The following AOPEP variants were observed in gnomAD, a reference collection of about 807,000 sequenced individuals.
The protein encoded by AOPEP is aminopeptidase O.
A neutral mutation model predicts 98.1 loss-of-function variants in AOPEP; 77 were observed. The observed-to-expected ratio is 0.78, with a 90% CI of 0.65 to 0.95. AOPEP has a LOEUF of 0.95. Among genes scored for constraint, AOPEP ranks in the 40% least tolerant of loss-of-function variants. AOPEP has a pLI of 0.00. For missense variants in AOPEP, 1,024 were observed against 1,024.7 expected, an observed-to-expected ratio of 1.00 and a Z score of 0.01; for synonymous variants, 346 against 365.3, an observed-to-expected ratio of 0.95 and a Z score of 0.60.
chr9:95,146,904 A>G, the AOPEP span, among the ~76,000 whole-genome samples: 1 of 152,096 alleles, frequency 6.6e-6, no homozygotes, highest in East Asian at 1.9e-4. Flanking sequence ...ACGTGGAAAC[A>G]TAAGAAGAAA....
At chr9:95,091,778 G>C (rs1587996817), downstream of AOPEP, among the ~76,000 whole-genome samples, 1 of 152,156 alleles carries the variant, frequency 6.6e-6, no homozygotes, top group African/African-American at 2.4e-5. Flanking sequence ...ACTAGACGGT[G>C]TGAGAAAGGC....
intron 3 of AOPEP, among the ~76,000 whole-genome samples, chr9:94,788,704 A>G (rs1370194826): frequency 1.3e-5 from 2 of 152,194 alleles, no homozygotes; most frequent in East Asian, 3.9e-4. Flanking sequence ...TCTCTTGCCT[A>G]GACAGTGAAA....
chr9:94,845,955 C>T (rs752500154), intron 5 of AOPEP, among the ~76,000 whole-genome samples: 14 of 152,088 alleles, frequency 9.2e-5, no homozygotes, highest in African/African-American at 2.4e-4. Flanking sequence ...ATTAGTCAGG[C>T]GTGGTGTCGG....
chr9:94,889,838 T>G (rs943403351), intron 5 of AOPEP, among the ~76,000 whole-genome samples: 1 of 152,220 alleles, frequency 6.6e-6, no homozygotes, highest in African/African-American at 2.4e-5. Flanking sequence ...GTCACCATCA[T>G]TTAGTGTTAC....
intron 3 of AOPEP, among the ~76,000 whole-genome samples, chr9:94,790,503 G>A (rs1376628095): frequency 2.0e-5 from 3 of 152,066 alleles, no homozygotes; most frequent in Non-Finnish European, 2.9e-5. Context: ...CTCAAGAGTG[G>A]CCCTTCTGGT....
chr9:94,845,825 G>A (rs1418547267), intron 5 of AOPEP, among the ~76,000 whole-genome samples: 2 of 152,170 alleles, frequency 1.3e-5, no homozygotes, highest in African/African-American at 4.8e-5. Flanking sequence ...GGGTGCAGTG[G>A]CTCACGCCTG....
chr9:95,123,780 G>C, the AOPEP span: 1 of 699,178 alleles, frequency 1.4e-6, no homozygotes, highest in African/African-American at 1.8e-5. Context: ...GTCAGGAATC[G>C]ATCTTGTGAA....
chr9:95,138,863 C>T, the AOPEP span, among the ~76,000 whole-genome samples: 6 of 152,194 alleles, frequency 3.9e-5, no homozygotes, highest in African/African-American at 1.4e-4. Context: ...CGTGATGCGC[C>T]CATTCTAGTT....
At chr9:94,902,697 T>C (rs1051290384) in intron 5 of AOPEP, among the ~76,000 whole-genome samples, 1 of 152,138 alleles carries the variant, frequency 6.6e-6, no homozygotes, top group African/African-American at 2.4e-5. Flanking sequence ...TACTTGTGGG[T>C]GTGTTCCCCT....
chr9:94,965,779 A>T (rs2059151293), intron 9 of AOPEP, among the ~76,000 whole-genome samples: 1 of 151,880 alleles, frequency 6.6e-6, no homozygotes. Context: ...ACTGGGTGTC[A>T]TCAGAGTCCT....
intron 5 of AOPEP, among the ~76,000 whole-genome samples, chr9:94,868,369 G>C (rs2045942742): frequency 2.0e-5 from 3 of 152,176 alleles, no homozygotes; most frequent in Admixed American, 6.5e-5. Context: ...TTGCTGACTT[G>C]AGAACATCTA....
rs917094304 is a variant in AOPEP, at chr9:94,752,346, GTCTC to G, written c.-135-7292_-135-7289del. The stretch of plus-strand genomic sequence containing the variant: ...CAACAACACACATACAGACACACAA[GTCTC>G]TCTCTCTCTCACACACACACACACA... On this transcript the variant is annotated intron_variant, in intron 1 of 16. Transcript: ENST00000375315. Among the ~76,000 whole-genome samples the G allele has an allele frequency of 2.1e-4, 30 of 145,398 alleles. No homozygotes were observed. In the South Asian group the frequency reaches 2.7e-3, roughly 13 times the overall value.
At chr9:95,101,360 A>C in the AOPEP span, 7 of 392,320 alleles carry the variant, frequency 1.8e-5, no homozygotes, top group East Asian at 2.9e-4. Flanking sequence ...GAATTTTTAA[A>C]TAATAGATGT....
chr9:94,769,305 A>G (rs1181031886), intron 2 of AOPEP, among the ~76,000 whole-genome samples: 3 of 152,204 alleles, frequency 2.0e-5, no homozygotes, highest in African/African-American at 4.8e-5. Flanking sequence ...TCAGACATGC[A>G]TAGGATATCA....
intron 11 of AOPEP, among the ~76,000 whole-genome samples, chr9:94,984,041 T>A (rs2060361735): frequency 6.6e-6 from 1 of 152,002 alleles, no homozygotes; most frequent in African/African-American, 2.4e-5. Context: ...GCTAATTTTT[T>A]TTTTTTTTTT....
intron 7 of AOPEP, among the ~76,000 whole-genome samples, chr9:94,942,904 CAAA>C (rs35186299): frequency 0.081 from 6,722 of 82,694 alleles, 396 homozygotes; most frequent in African/African-American, 0.27. Flanking sequence ...GAGTCTGTCT[CAAA>C]AAAAAAAAAA....
chr9:95,005,987 T>C, intron 13 of AOPEP: 1 of 484,924 alleles, frequency 2.1e-6, no homozygotes, highest in Non-Finnish European at 4.2e-6. Context: ...ATGCTGTACT[T>C]TCTCTCACCT....
At chr9:95,109,640 G>A in the AOPEP span, 18 of 152,298 alleles carry the variant, frequency 1.2e-4, no homozygotes, top group Admixed American at 7.8e-4. Context: ...CATCCTGGGC[G>A]GGGACACGCT....
chr9:95,120,293 G>A, the AOPEP span, among the ~76,000 whole-genome samples: 1 of 152,058 alleles, frequency 6.6e-6, no homozygotes, highest in East Asian at 1.9e-4. Context: ...AATTGTCTTG[G>A]CATCTCTGTC....
Sources: allele counts gnomAD v4.1 joint callset (sites outside exome capture counted in the v4.1 genomes callset), GRCh38; gene constraint gnomAD v4.1.1; transcripts MANE v1.5; gene names NCBI Gene and HGNC (gene_info 2026-07-23, HGNC 2026-07-21).